PCDHGA8: variants seen among roughly 807,000 people sequenced by gnomAD.
PCDHGA8 encodes the protein protocadherin gamma-A8.
Under a neutral mutation model 59.2 loss-of-function variants are expected in PCDHGA8, and 45 were observed. The ratio of observed to expected loss-of-function variants is 0.76; its 90% CI spans 0.60 to 0.98. The LOEUF (loss-of-function observed/expected upper bound fraction) is 0.98, where lower values mean the gene tolerates loss of function less well. PCDHGA8 is among the 50% of genes least tolerant of loss of function. The pLI is 0.00. For missense variants in PCDHGA8, 1,257 were observed against 1,196.2 expected, an observed-to-expected ratio of 1.05 and a Z score of -0.75; for synonymous variants, 531 against 519.0, an observed-to-expected ratio of 1.02 and a Z score of -0.32.
intron 1 of PCDHGA8, among the ~76,000 whole-genome samples, chr5:141,455,902 TA>T (rs2098836291): frequency 6.7e-6 from 1 of 149,860 alleles, no homozygotes. Context: ...TTTATTTATT[TA>T]TTTATTTATT....
Position 141,432,195 on chromosome 5 carries a change from C to A in PCDHGA8, c.2424+36958C>A, listed in dbSNP as rs1334965321. ...CTCGTCTCTGTGACCGCCCACGACC[C>A]CGACTGTGAAGAGAACGCCCAGATC... On this transcript the variant is annotated intron_variant, in intron 1 of 3. Transcript: ENST00000398604. This position sits in a 1 kb window ranked among gnomAD's most constrained non-coding sequence, Gnocchi z 6.0. 22 of 1,614,088 alleles carry A rather than the reference C, an allele frequency of 1.4e-5. No homozygotes were observed. The highest frequency in any genetic ancestry group is 1.9e-5 in the Non-Finnish European group (22 of 1,180,058).
chr5:141,423,983 C>T, intron 1 of PCDHGA8: 5 of 1,107,052 alleles, frequency 4.5e-6, no homozygotes, highest in Non-Finnish European at 5.6e-6. Context: ...GTATGAGGCT[C>T]TCAATTTATT....
At chr5:141,488,978 C>T (rs1346335195) in intron 1 of PCDHGA8, 4 of 388,976 alleles carry the variant, frequency 1.0e-5, no homozygotes, top group African/African-American at 2.1e-5. Flanking sequence ...GCCAATCAGA[C>T]TCAGAGCTGA....
In PCDHGA8 at chr5:141,394,560, G is replaced by GGGCT; in HGVS notation, c.1747_1748insGGCT (p.Glu583GlyfsTer85). 1.2e-6 allele frequency: 2 copies of GGGCT among 1,614,118 alleles called. No individual in the cohort carries two copies. The highest frequency in any genetic ancestry group is 1.7e-6 in the Non-Finnish European group (2 of 1,180,048). ...CGTGGAGCTGGCGCCCCGCTCCGCA[G>GGGCT]AGCGTGGCTACCTGGTGACCAAGGT... On this transcript the variant is annotated frameshift_variant, in exon 1 of 4. Coordinates refer to ENST00000398604, the MANE Select transcript of PCDHGA8 (RefSeq NM_032088.2). LOFTEE classifies it high-confidence loss of function.
chr5:141,477,158 A>G lies in PCDHGA8; in HGVS notation c.2425-17649A>G, dbSNP rs1476516538. 1.2e-6 allele frequency: 2 copies of G among 1,614,154 alleles called. No individual in the cohort carries two copies. Among genetic ancestry groups the G allele is most frequent in the Non-Finnish European group, 1.7e-6 (2 of 1,180,018 alleles). ...GGTGGAGGTTGTGGATGTGAATGACAACGCCCCGGAGATCACAGTCACCTC... is the reference window on the plus strand; with the variant it reads ...GGTGGAGGTTGTGGATGTGAATGACGACGCCCCGGAGATCACAGTCACCTC... On this transcript the variant is annotated intron_variant, in intron 1 of 3. Coordinates refer to ENST00000398604, the MANE Select transcript of PCDHGA8 (RefSeq NM_032088.2). This position sits in a 1 kb window ranked among gnomAD's most constrained non-coding sequence, Gnocchi z 4.9.
chr5:141,407,651 G>A (rs1005294855), intron 1 of PCDHGA8, among the ~76,000 whole-genome samples: 1 of 151,926 alleles, frequency 6.6e-6, no homozygotes, highest in African/African-American at 2.4e-5. Flanking sequence ...AATAATGGGG[G>A]AGCGCAGTAT....
At chr5:141,403,276 C>G in intron 1 of PCDHGA8, 7 of 1,613,844 alleles carry the variant, frequency 4.3e-6, no homozygotes, top group Non-Finnish European at 5.1e-6. Context: ...ACTTTAAAGT[C>G]CTGGTTGAAG....
intron 1 of PCDHGA8, chr5:141,415,423 G>A: frequency 1.2e-6 from 2 of 1,614,204 alleles, no homozygotes; most frequent in Non-Finnish European, 1.7e-6. Context: ...CGTGGACGGG[G>A]TTCGGGCTTT....
chr5:141,431,506 G>T lies in PCDHGA8; in HGVS notation c.2424+36269G>T. 1.2e-6 allele frequency: 2 copies of T among 1,613,988 alleles called. No homozygotes were observed. Among genetic ancestry groups the T allele is most frequent in the South Asian group, 2.2e-5 (2 of 91,084 alleles). The stretch of plus-strand genomic sequence containing the variant: ...CGTTTGCTCAGCCCGAGTACCGCGC[G>T]AGCGTTCCGGAGAATCTGGCCTTGG... On this transcript the variant is annotated intron_variant, in intron 1 of 3. Coordinates refer to ENST00000398604, the MANE Select transcript of PCDHGA8 (RefSeq NM_032088.2). This position sits in a 1 kb window ranked among gnomAD's most constrained non-coding sequence, Gnocchi z 4.8.
At chr5:141,421,144 G>A (rs1241874764) in intron 1 of PCDHGA8, 1 of 999,180 alleles carries the variant, frequency 1.0e-6, no homozygotes, top group African/African-American at 1.6e-5. Flanking sequence ...TTTGGATGTA[G>A]TCGGCCTAGG....
chr5:141,435,883 C>A (rs1458527952), intron 1 of PCDHGA8, among the ~76,000 whole-genome samples: 1 of 152,020 alleles, frequency 6.6e-6, no homozygotes, highest in African/African-American at 2.4e-5. Flanking sequence ...GATTGGAAAC[C>A]CCTTAGAGAA....
At chr5:141,419,184 T>A in intron 1 of PCDHGA8, 1 of 1,613,938 alleles carries the variant, frequency 6.2e-7, no homozygotes, top group Non-Finnish European at 8.5e-7. Context: ...ACCCTGCACA[T>A]TACTGACGTC....
chr5:141,510,323 C>A (rs1173679711), intron 3 of PCDHGA8, among the ~76,000 whole-genome samples: 1 of 151,234 alleles, frequency 6.6e-6, no homozygotes, highest in East Asian at 2.0e-4. Flanking sequence ...TGGAAGAGCA[C>A]TCTTCACCCC....
Position 141,485,835 on chromosome 5 carries a change from C to T in PCDHGA8, c.2425-8972C>T, listed in dbSNP as rs747722740. On this transcript the variant is annotated intron_variant, in intron 1 of 3. Transcript: ENST00000398604. This position sits in a 1 kb window ranked among gnomAD's most constrained non-coding sequence, Gnocchi z 5.7. ...ACTGCTGTCGATGGAGGGAACCCGC[C>T]GAGATCTGGCACCGCAGAGCTCCGG... 6.2e-7 allele frequency: 1 copy of T among 1,614,190 alleles called. No homozygotes were observed. Among genetic ancestry groups the T allele is most frequent in the Non-Finnish European group, 8.5e-7 (1 of 1,180,048 alleles).
intron 1 of PCDHGA8, chr5:141,422,315 C>T: frequency 6.5e-7 from 1 of 1,547,896 alleles, no homozygotes; most frequent in Non-Finnish European, 8.7e-7. Flanking sequence ...AACTCTCCTC[C>T]AGGTACAGTG....
intron 1 of PCDHGA8, among the ~76,000 whole-genome samples, chr5:141,482,257 T>C (rs2099555476): frequency 1.3e-5 from 2 of 152,156 alleles, no homozygotes; most frequent in Admixed American, 1.3e-4. Context: ...ACTGTACATA[T>C]TAGTTGTTTA....
chr5:141,451,237 A>G (rs1405567593), intron 1 of PCDHGA8, among the ~76,000 whole-genome samples: 1 of 152,198 alleles, frequency 6.6e-6, no homozygotes, highest in Non-Finnish European at 1.5e-5. Context: ...TTATTATCTC[A>G]TAAATTTTGT....
Position 141,419,699 on chromosome 5 carries a change from C to G in PCDHGA8, c.2424+24462C>G, listed in dbSNP as rs1488905080. ...CTACCACGTGGTGCAGGCCAGTGAG[C>G]CCGGGCTCTTCAGCCTGGGGCTGCG... On this transcript the variant is annotated intron_variant, in intron 1 of 3. Coordinates refer to ENST00000398604, the MANE Select transcript of PCDHGA8 (RefSeq NM_032088.2). The G allele has an allele frequency of 5.6e-6, 9 of 1,612,806 alleles. No homozygotes were observed. The East Asian group carries it at 1.8e-4, about 32-fold the overall frequency.
intron 1 of PCDHGA8, chr5:141,414,797 G>A: frequency 6.2e-7 from 1 of 1,614,230 alleles, no homozygotes. Context: ...GCCAGCGACA[G>A]CGGGGATCCT....
Sources: gnomAD v4.1 joint callset for allele counts (sites outside exome capture counted in the v4.1 genomes callset) on GRCh38, gnomAD v4.1.1 for gene constraint, Gnocchi (gnomAD v3.1) non-coding constraint, MANE v1.5 for transcripts, NCBI Gene and HGNC (gene_info 2026-07-23, HGNC 2026-07-21) for gene names.